The following PXDNL variants were observed in gnomAD, a reference collection of about 807,000 sequenced individuals.
PXDNL encodes probable oxidoreductase PXDNL.
PXDNL carries 145 observed loss-of-function variants against 150.8 expected under a neutral mutation model. The ratio of observed to expected loss-of-function variants is 0.96; its 90% CI spans 0.84 to 1.10. PXDNL has a LOEUF of 1.10. Ranked by LOEUF, PXDNL falls within the 50% of genes least tolerant of loss-of-function variation. The probability of loss-of-function intolerance (pLI) is 0.00; values close to 1 mark genes in which losing one functional copy is unlikely to be tolerated. For missense variants in PXDNL, 2,087 were observed against 1,873.9 expected (o/e 1.11, Z -2.10); for synonymous variants, 757 against 725.7 (o/e 1.04, Z -0.69).
chr8:51,436,279 G>A, intron 12 of PXDNL: 1 of 494,036 alleles, frequency 2.0e-6, no homozygotes, highest in Non-Finnish European at 4.1e-6. Flanking sequence ...CATAGAAGAA[G>A]GTGTTGCTCT....
intron 2 of PXDNL, among the ~76,000 whole-genome samples, chr8:51,637,109 C>T (rs1443787219): frequency 6.6e-6 from 1 of 152,164 alleles, no homozygotes; most frequent in East Asian, 1.9e-4. Context: ...CAGGAAACTC[C>T]AACAGACCTG....
intron 17 of PXDNL, among the ~76,000 whole-genome samples, chr8:51,401,402 C>T (rs1331372104): frequency 6.6e-6 from 1 of 152,144 alleles, no homozygotes; most frequent in Non-Finnish European, 1.5e-5. Context: ...GAATAAAACG[C>T]TGAACAGAAA....
intron 1 of PXDNL, among the ~76,000 whole-genome samples, chr8:51,745,254 T>A (rs2036970459): frequency 6.6e-6 from 1 of 152,138 alleles, no homozygotes; most frequent in African/African-American, 2.4e-5. Context: ...AAAGGACCTT[T>A]CATCAGTAAT....
chr8:51,809,181 A>C lies in PXDNL; in HGVS notation c.164T>G (p.Leu55Arg), dbSNP rs759189702. 2 of 1,613,702 alleles carry C rather than the reference A, an allele frequency of 1.2e-6. No homozygotes were observed. The highest frequency in any genetic ancestry group is 2.2e-5 in the East Asian group (1 of 44,846). ...TTCTGGGGAATTTATGTGAACTTAC[A>C]GAACTGTGGTCTGCTGTGGTACCTG... ...IPQVPQQTTVLDLRFNRIREI... is the reference protein window; with the variant it reads ...IPQVPQQTTVRDLRFNRIREI... The change falls in exon 1 of 23, where the codon CTA (leucine) becomes CGA (arginine). Residue 55 changes from leucine (L) to arginine (R), a missense_variant and splice_region_variant. Leu to Arg is a moderately radical substitution (Grantham distance 102). Transcript: ENST00000356297.
At chr8:51,583,761 T>C (rs1813262412) in intron 3 of PXDNL, among the ~76,000 whole-genome samples, 1 of 152,136 alleles carries the variant, frequency 6.6e-6, no homozygotes, top group Non-Finnish European at 1.5e-5. Flanking sequence ...GGATATTAGA[T>C]AGATAGACTG....
chr8:51,522,805 T>C (rs1196669000), intron 4 of PXDNL, among the ~76,000 whole-genome samples: 2 of 152,072 alleles, frequency 1.3e-5, no homozygotes, highest in Non-Finnish European at 1.5e-5. Flanking sequence ...GATCGTGCCA[T>C]TGAACTCTAG....
chr8:51,525,420 T>C (rs1308725704), intron 4 of PXDNL, among the ~76,000 whole-genome samples: 1 of 152,194 alleles, frequency 6.6e-6, no homozygotes, highest in Non-Finnish European at 1.5e-5. Flanking sequence ...ACGTGTAACA[T>C]TTGTCACTGC....
intron 1 of PXDNL, among the ~76,000 whole-genome samples, chr8:51,661,932 C>A (rs1815279589): frequency 6.7e-6 from 1 of 150,076 alleles, no homozygotes; most frequent in Admixed American, 6.7e-5. Context: ...AAAAGGAATA[C>A]TATAAAGGCT....
At chr8:51,667,005 T>C (rs564601257) in intron 1 of PXDNL, among the ~76,000 whole-genome samples, 3 of 152,274 alleles carry the variant, frequency 2.0e-5, no homozygotes, top group African/African-American at 4.8e-5. Context: ...ACCCTGTGCA[T>C]GAGCCCAGCC....
At chr8:51,449,988 G>A (rs1027764291) in intron 10 of PXDNL, among the ~76,000 whole-genome samples, 1 of 152,206 alleles carries the variant, frequency 6.6e-6, no homozygotes, top group Non-Finnish European at 1.5e-5. Context: ...AGGCTGCTGG[G>A]CTGAGTATAC....
At chr8:51,656,595 T>A (rs1159206952) in intron 1 of PXDNL, among the ~76,000 whole-genome samples, 1 of 152,166 alleles carries the variant, frequency 6.6e-6, no homozygotes, top group African/African-American at 2.4e-5. Flanking sequence ...TCTCCCAAAA[T>A]GAGATTCCAA....
intron 4 of PXDNL, among the ~76,000 whole-genome samples, chr8:51,536,201 G>A (rs549554944): frequency 4.5e-4 from 69 of 152,312 alleles, no homozygotes; most frequent in African/African-American, 1.5e-3. Flanking sequence ...GGCTAGAGCC[G>A]AAGCAACCTT....
At chr8:51,550,181 C>T (rs192131749) in intron 4 of PXDNL, among the ~76,000 whole-genome samples, 55 of 151,974 alleles carry the variant, frequency 3.6e-4, no homozygotes, top group African/African-American at 1.3e-3. Context: ...GAGATTGAAC[C>T]AGTAATAAAA....
At chr8:51,471,876 C>T (rs1183289528) in intron 8 of PXDNL, among the ~76,000 whole-genome samples, 2 of 151,994 alleles carry the variant, frequency 1.3e-5, no homozygotes, top group African/African-American at 2.4e-5. Context: ...TTAGTAGAGA[C>T]GGGGTTTCAC....
chr8:51,778,871 A>G (rs2037383325), intron 1 of PXDNL, among the ~76,000 whole-genome samples: 1 of 152,232 alleles, frequency 6.6e-6, no homozygotes, highest in South Asian at 2.1e-4. Context: ...CCTTTCCAAC[A>G]GTATGCTCTT....
intron 4 of PXDNL, among the ~76,000 whole-genome samples, chr8:51,546,369 C>G (rs1812361502): frequency 6.6e-6 from 1 of 152,146 alleles, no homozygotes; most frequent in Non-Finnish European, 1.5e-5. Context: ...AAGCAAGATC[C>G]AGCCTGGTTA....
chr8:51,523,167 A>G (rs1457866909), intron 4 of PXDNL, among the ~76,000 whole-genome samples: 3 of 152,232 alleles, frequency 2.0e-5, no homozygotes, highest in African/African-American at 7.2e-5. Context: ...AATATCTATG[A>G]TGTGTCTAAA....
chr8:51,409,347 G>A lies in PXDNL; in HGVS notation c.2277C>T (p.Asp759=), dbSNP rs199714889. 6.6e-6 allele frequency: 10 copies of A among 1,521,680 alleles called. No individual in the cohort carries two copies. The highest frequency in any genetic ancestry group is 8.8e-6 in the Non-Finnish European group (10 of 1,140,888). 94.3% of individuals were successfully genotyped at this position (1,521,680 alleles called of 1,614,324 possible). A position where few individuals can be genotyped will look rare whatever the true frequency, so the allele number is the denominator to read the frequency against. The part of the protein sequence containing the change: ...FARLLQPAYR[D]GIRAPRGLGL... ...CGAGCCCGCGGGGCGCGCGGATGCC[G>A]TCCCGGTAGGCTGGCTGCAGCAGGC... Residue 759 remains aspartate, a synonymous_variant, in exon 17 of 23, where the codon GAC becomes GAT. Transcript: ENST00000356297.
At chr8:51,609,471 G>A (rs573508082) in intron 2 of PXDNL, among the ~76,000 whole-genome samples, 1 of 152,170 alleles carries the variant, frequency 6.6e-6, no homozygotes, top group Non-Finnish European at 1.5e-5. Flanking sequence ...TTCCATGTTG[G>A]GAGGGGTGAT....
Sources: allele counts gnomAD v4.1 joint callset (sites outside exome capture counted in the v4.1 genomes callset), GRCh38; gene constraint gnomAD v4.1.1; transcripts MANE v1.5; gene names NCBI Gene and HGNC (gene_info 2026-07-23, HGNC 2026-07-21).